Variants in RNF169 observed in about 807,000 individuals in gnomAD.
RNF169 encodes E3 ubiquitin-protein ligase RNF169.
In RNF169, 24 loss-of-function variants were observed where a neutral mutation model predicts 53.9. That is an observed-to-expected ratio of 0.45 (90% CI 0.32 to 0.63). The LOEUF (loss-of-function observed/expected upper bound fraction) is 0.63, where lower values mean the gene tolerates loss of function less well. RNF169 is among the 20% of genes least tolerant of loss of function. RNF169 has a pLI of 0.04. For synonymous variants in RNF169, 396 were observed against 363.5 expected (o/e 1.09, Z -1.02); for missense variants, 883 against 906.2 (o/e 0.97, Z 0.33).
chr11:74,776,163 C>T (rs2035330311), intron 1 of RNF169, among the ~76,000 whole-genome samples: 1 of 152,062 alleles, frequency 6.6e-6, no homozygotes. Flanking sequence ...TTTGCATGAA[C>T]TTCCATTATG....
rs568279258 is a variant in RNF169 at position 74,768,250 on chromosome 11, A to G, written c.502+18868A>G. 6.5e-4 allele frequency among the ~76,000 whole-genome samples: 99 copies of G among 152,276 alleles called. 1 individual carries two copies. The highest frequency in any genetic ancestry group is 3.4e-3 in the Middle Eastern group (1 of 294). ...TCACTAGGGTAAAGGTGTCATTTTT[A>G]CTTTTCATGGGTGGTTAGCTAACCT... On this transcript the variant is annotated intron_variant, in intron 1 of 5. Transcript: ENST00000299563.
At chr11:74,762,139 T>C (rs924891574) in intron 1 of RNF169, among the ~76,000 whole-genome samples, 5 of 150,238 alleles carry the variant, frequency 3.3e-5, no homozygotes, top group African/African-American at 9.9e-5. Context: ...TCTCAAGCCT[T>C]GGTTTTCAGC....
intron 1 of RNF169, among the ~76,000 whole-genome samples, chr11:74,761,777 G>A (rs1157034127): frequency 3.4e-5 from 5 of 148,862 alleles, no homozygotes; most frequent in African/African-American, 7.5e-5. Context: ...TGACAATTAT[G>A]TGTCTTGGAG....
rs1261617972 is a variant in RNF169 at position 74,839,050 on chromosome 11, A to C, written c.*2320A>C. The C allele has an allele frequency of 6.6e-6, 1 of 152,222 alleles. No individual in the cohort carries two copies. Among genetic ancestry groups the C allele is most frequent in the Non-Finnish European group, 1.5e-5 (1 of 68,040 alleles). The allele number at this position is 152,222 out of a possible 1,614,324, so 9.4% of individuals were successfully genotyped here. A position where few individuals can be genotyped will look rare whatever the true frequency, so the allele number is the denominator to read the frequency against. Reference sequence around the variant, plus strand: ...AGATATATATTTTAAATATTTCCCCAAATTAATACTTTCATTTTAAGAATT... The same window carrying C: ...AGATATATATTTTAAATATTTCCCCCAATTAATACTTTCATTTTAAGAATT... On this transcript the variant is annotated 3_prime_UTR_variant, in exon 6 of 6. Transcript: ENST00000299563.
chr11:74,770,325 T>A (rs1293514676), intron 1 of RNF169, among the ~76,000 whole-genome samples: 1 of 152,250 alleles, frequency 6.6e-6, no homozygotes, highest in African/African-American at 2.4e-5. Flanking sequence ...AGTTTGCTTA[T>A]AAATTGCCAC....
intron 1 of RNF169, among the ~76,000 whole-genome samples, chr11:74,763,572 A>G (rs1272936921): frequency 6.6e-6 from 1 of 152,248 alleles, no homozygotes; most frequent in Non-Finnish European, 1.5e-5. Context: ...TCAGTAAATA[A>G]GTTAAACAAT....
chr11:74,807,690 A>G (rs1483721253), intron 2 of RNF169: 2 of 152,242 alleles, frequency 1.3e-5, no homozygotes, highest in Non-Finnish European at 2.9e-5. Context: ...TAAATGAGGT[A>G]AGTTTGATAA....
At chr11:74,785,162 T>TATATATATATGATATATATATATG (rs149186094) in intron 1 of RNF169, among the ~76,000 whole-genome samples, 1,321 of 126,446 alleles carry the variant, frequency 0.01, 17 homozygotes, top group African/African-American at 0.022. Context: ...TATTTTTATA[T>TATATATATATGATATATATATATG]ATATATATAT....
intron 1 of RNF169, among the ~76,000 whole-genome samples, chr11:74,784,364 T>C (rs1272525496): frequency 6.6e-6 from 1 of 152,178 alleles, no homozygotes; most frequent in Non-Finnish European, 1.5e-5. Flanking sequence ...ACCCACAGGT[T>C]CACTGATTTG....
intron 3 of RNF169, among the ~76,000 whole-genome samples, chr11:74,814,372 T>A (rs1273522321): frequency 1.4e-5 from 2 of 140,700 alleles, no homozygotes; most frequent in Non-Finnish European, 3.0e-5. Context: ...GTGTTCTTTC[T>A]TTCTTGCCTT....
intron 1 of RNF169, among the ~76,000 whole-genome samples, chr11:74,782,907 GTT>G (rs754919782): frequency 7.4e-5 from 10 of 135,330 alleles, no homozygotes; most frequent in East Asian, 4.2e-4. Flanking sequence ...GTGCAAAGAG[GTT>G]TTTTTTTTTT....
intron 1 of RNF169, among the ~76,000 whole-genome samples, chr11:74,767,417 T>A (rs546318837): frequency 0.02 from 3,081 of 152,092 alleles, 121 homozygotes; most frequent in African/African-American, 0.07. Context: ...TTATTTTTAT[T>A]TTTTTTGAGA....
Position 74,836,433 on chromosome 11 carries a change from A to G in RNF169, c.1830A>G (p.Leu610=). ...DLTNGVLVES[L]SEEPLPSLRR... is the part of the protein sequence containing the mutation. ...CTAATGGTGTTCTAGTTGAGAGCCT[A>G]AGTGAAGAGCCACTTCCTTCTTTGC... Residue 610 remains leucine (L), a synonymous_variant, in exon 6 of 6, where the codon CTA becomes CTG. Transcript: ENST00000299563. 2 of 1,614,230 alleles carry G rather than the reference A, an allele frequency of 1.2e-6. No individual in the cohort carries two copies. Among genetic ancestry groups the G allele is most frequent in the Non-Finnish European group, 1.7e-6 (2 of 1,180,040 alleles).
chr11:74,833,446 C>T (rs892740992), intron 4 of RNF169, among the ~76,000 whole-genome samples: 1 of 152,168 alleles, frequency 6.6e-6, no homozygotes, highest in Admixed American at 6.5e-5. Flanking sequence ...TCCTGTTTAT[C>T]CTTTGAAATG....
At chr11:74,757,769 T>C in intron 1 of RNF169, among the ~76,000 whole-genome samples, 1 of 87,888 alleles carries the variant, frequency 1.1e-5, no homozygotes, top group African/African-American at 5.4e-5. Context: ...CATTTTTTCA[T>C]GTGTTTTTTG....
chr11:74,820,797 A>G (rs2035999603), intron 4 of RNF169, among the ~76,000 whole-genome samples: 1 of 152,240 alleles, frequency 6.6e-6, no homozygotes, highest in Non-Finnish European at 1.5e-5. Flanking sequence ...CTGCCATTTT[A>G]GAACAGAAAT....
At chr11:74,757,797 T>C (rs2035009902) in intron 1 of RNF169, among the ~76,000 whole-genome samples, 3 of 69,978 alleles carry the variant, frequency 4.3e-5, no homozygotes, top group Non-Finnish European at 7.7e-5. Context: ...AAATGTCTTC[T>C]TTTGAGAAGT....
chr11:74,761,570 A>T (rs2035082990), intron 1 of RNF169, among the ~76,000 whole-genome samples: 2 of 151,882 alleles, frequency 1.3e-5, no homozygotes, highest in Admixed American at 6.6e-5. Flanking sequence ...TTCACTTATG[A>T]AGCTTAGTTT....
chr11:74,789,613 C>T lies in RNF169; in HGVS notation c.503-13C>T, dbSNP rs1027191885. On this transcript the variant is annotated splice_polypyrimidine_tract_variant and intron_variant, in intron 1 of 5. Coordinates refer to ENST00000299563, the MANE Select transcript of RNF169 (RefSeq NM_001098638.2). ...GTCATCTTAAAAAGTATTTTCTTTT[C>T]CCTTTCTTTCAGACTTTATATTCAG... is the stretch of plus-strand genomic sequence containing the variant. The T allele has an allele frequency of 1.3e-6, 2 of 1,583,262 alleles. No individual in the cohort carries two copies. The highest frequency in any genetic ancestry group is 1.7e-5 in the Admixed American group (1 of 58,662).
Sources: gnomAD v4.1 joint callset for allele counts (sites outside exome capture counted in the v4.1 genomes callset) on GRCh38, gnomAD v4.1.1 for gene constraint, MANE v1.5 for transcripts, NCBI Gene and HGNC (gene_info 2026-07-23, HGNC 2026-07-21) for gene names.